Variants in AIMP1 observed in about 807,000 individuals in gnomAD.
AIMP1 encodes aminoacyl tRNA synthase complex-interacting multifunctional protein 1.
Under a neutral mutation model 33.1 loss-of-function variants are expected in AIMP1, and 24 were observed. The ratio of observed to expected loss-of-function variants is 0.73; its 90% CI spans 0.53 to 1.02. The LOEUF is 1.02. Among genes scored for constraint, AIMP1 ranks in the 50% least tolerant of loss-of-function variants. The pLI is 0.00. For missense variants in AIMP1, 367 were observed against 364.8 expected, an observed-to-expected ratio of 1.01 and a Z score of -0.05; for synonymous variants, 120 against 121.5, an observed-to-expected ratio of 0.99 and a Z score of 0.08.
chr4:106,321,538 G>C (rs1769241734), intron 1 of AIMP1: 1 of 154,832 alleles, frequency 6.5e-6, no homozygotes, highest in African/African-American at 2.4e-5. Flanking sequence ...AGTGAGGAGC[G>C]TTTCCGCTTT....
intron 1 of AIMP1, among the ~76,000 whole-genome samples, chr4:106,324,659 G>A (rs1195036006): frequency 1.3e-5 from 2 of 152,008 alleles, no homozygotes; most frequent in Non-Finnish European, 2.9e-5. Context: ...ATACTCATTA[G>A]CATAGTTACG....
chr4:106,316,631 C>T, intron 1 of AIMP1, 37 bp downstream of exon 1: 6 of 1,547,292 alleles, frequency 3.9e-6, no homozygotes, highest in Non-Finnish European at 5.2e-6. Flanking sequence ...ACTCGGGGAT[C>T]GCCGATTGCG....
Position 106,347,614 on chromosome 4 carries a change from A to T in AIMP1, c.861A>T (p.Thr287=). The T allele has an allele frequency of 6.2e-7, 1 of 1,613,504 alleles. No individual in the cohort carries two copies. Among genetic ancestry groups the T allele is most frequent in the Non-Finnish European group, 8.5e-7 (1 of 1,179,684 alleles). Residue 287 remains threonine, a synonymous_variant, in exon 7 of 7, where the codon ACA becomes ACT. Transcript: ENST00000672341. ...DLHTNDECVA[T]YKGVPFEVKG... ...ACACTAATGATGAGTGTGTGGCTAC[A>T]TACAAAGGAGTTCCCTTTGAGGTGA...
At chr4:106,316,402 G>T, upstream of AIMP1, 5 of 745,466 alleles carry the variant, frequency 6.7e-6, no homozygotes, top group South Asian at 8.2e-5. Context: ...GGAAGACGAG[G>T]AGCGTGGTAT....
At chr4:106,322,320 T>G (rs1467265629) in intron 1 of AIMP1, among the ~76,000 whole-genome samples, 1 of 151,958 alleles carries the variant, frequency 6.6e-6, no homozygotes, top group African/African-American at 2.4e-5. Context: ...TATAGAAAAT[T>G]TAGATAACTT....
chr4:106,334,741 A>T (rs975592564), intron 5 of AIMP1, among the ~76,000 whole-genome samples: 1 of 152,198 alleles, frequency 6.6e-6, no homozygotes, highest in Non-Finnish European at 1.5e-5. Context: ...TTGACATTTT[A>T]TATAAAGTGC....
intron 5 of AIMP1, among the ~76,000 whole-genome samples, chr4:106,336,100 C>T (rs1431075279): frequency 8.2e-6 from 1 of 121,570 alleles, no homozygotes; most frequent in Non-Finnish European, 1.6e-5. Context: ...AGTTCAGTGG[C>T]ATAATCAAGG....
At chr4:106,337,663 G>C (rs1484472260) in intron 6 of AIMP1, among the ~76,000 whole-genome samples, 1 of 152,218 alleles carries the variant, frequency 6.6e-6, no homozygotes, top group East Asian at 1.9e-4. Context: ...CTGCTGTAAA[G>C]ATATCCGAAA....
intron 1 of AIMP1, chr4:106,321,390 C>G (rs965980048): frequency 6.3e-6 from 1 of 157,484 alleles, no homozygotes; most frequent in South Asian, 1.9e-4. Context: ...CGCCTCTGCC[C>G]GGCCGCGACC....
upstream of AIMP1, chr4:106,316,356 C>T (rs1225146992): frequency 1.2e-5 from 7 of 580,248 alleles, no homozygotes; most frequent in East Asian, 3.0e-5. Flanking sequence ...TGCGGGGGGA[C>T]GGGGGGGGTC....
intron 1 of AIMP1, among the ~76,000 whole-genome samples, chr4:106,321,880 TAATC>T (rs1448249751): frequency 6.6e-6 from 1 of 152,186 alleles, no homozygotes; most frequent in Non-Finnish European, 1.5e-5. Flanking sequence ...GGGATGCTGT[TAATC>T]TATAACCTTA....
upstream of AIMP1, chr4:106,316,549 T>TG: frequency 6.4e-7 from 1 of 1,551,674 alleles, no homozygotes; most frequent in Non-Finnish European, 8.7e-7. Flanking sequence ...TGGACCTACA[T>TG]GCTTCCTGCT....
chr4:106,337,990 C>A (rs944685503), intron 6 of AIMP1, among the ~76,000 whole-genome samples: 5 of 152,138 alleles, frequency 3.3e-5, no homozygotes. Context: ...TGCCCTTTCC[C>A]TAGAGATCTA....
At chr4:106,346,282 A>G (rs764959107) in intron 6 of AIMP1, among the ~76,000 whole-genome samples, 18 of 152,130 alleles carry the variant, frequency 1.2e-4, no homozygotes, top group Non-Finnish European at 2.6e-4. Context: ...TTCTTTTATT[A>G]TAAAATTTAT....
rs557035347 is a variant in AIMP1 at position 106,322,638 on chromosome 4, T to C, written c.-25-2347T>C. 2.5e-4 allele frequency among the ~76,000 whole-genome samples: 38 copies of C among 152,276 alleles called. No individual in the cohort carries two copies. In the South Asian group the frequency reaches 7.7e-3, roughly 31 times the overall value. ...TTTCACAAGATGAGACTTTTTAACA[T>C]TGGCATCATGAATAATATTTCCAGA... is the stretch of plus-strand genomic sequence containing the variant. On this transcript the variant is annotated intron_variant, in intron 1 of 6. Transcript: ENST00000672341.
intron 4 of AIMP1, among the ~76,000 whole-genome samples, chr4:106,329,895 A>G (rs943950785): frequency 7.2e-6 from 1 of 139,094 alleles, no homozygotes; most frequent in Non-Finnish European, 1.5e-5. Flanking sequence ...AAGCAATTCT[A>G]TCTTAGCCTC....
At chr4:106,318,976 GCTT>G (rs1249872887) in intron 1 of AIMP1, among the ~76,000 whole-genome samples, 1 of 151,984 alleles carries the variant, frequency 6.6e-6, no homozygotes, top group Non-Finnish European at 1.5e-5. Flanking sequence ...AAATAATAGA[GCTT>G]CTTGGGATTG....
chr4:106,338,407 G>A (rs1769973542), intron 6 of AIMP1, among the ~76,000 whole-genome samples: 1 of 152,208 alleles, frequency 6.6e-6, no homozygotes, highest in Admixed American at 6.5e-5. Flanking sequence ...TGCAGCTTAG[G>A]GACTTGGTGC....
At chr4:106,321,919 CAT>C (rs1250077571) in intron 1 of AIMP1, among the ~76,000 whole-genome samples, 6 of 150,956 alleles carry the variant, frequency 4.0e-5, no homozygotes, top group African/African-American at 1.5e-4. Flanking sequence ...CTCTCTGAAA[CAT>C]GTGCTGTGTC....
Sources: gnomAD v4.1 joint callset for allele counts (sites outside exome capture counted in the v4.1 genomes callset) on GRCh38, gnomAD v4.1.1 for gene constraint, MANE v1.5 for transcripts, NCBI Gene and HGNC (gene_info 2026-07-23, HGNC 2026-07-21) for gene names.